RASEF: variants seen among roughly 807,000 people sequenced by gnomAD.
RASEF encodes the protein ras and EF-hand domain-containing protein.
Under a neutral mutation model 90.1 loss-of-function variants are expected in RASEF, and 68 were observed. The observed-to-expected ratio is 0.75, with a 90% CI of 0.62 to 0.92. The LOEUF is 0.92. RASEF is among the 40% of genes least tolerant of loss of function. The pLI is 0.00. For synonymous variants in RASEF, 331 were observed against 345.2 expected (o/e 0.96, Z 0.46); for missense variants, 949 against 937.2 (o/e 1.01, Z -0.16).
chr9:83,035,457 G>C lies in RASEF; in HGVS notation c.432-9536C>G, dbSNP rs1026836626. Among the ~76,000 whole-genome samples the C allele has an allele frequency of 2.0e-5, 3 of 152,254 alleles. No homozygotes were observed. In the East Asian group the frequency reaches 5.8e-4, roughly 29 times the overall value. On this transcript the variant is annotated intron_variant, in intron 1 of 16. Transcript: ENST00000376447. ...TCACCCTTCCACACTCAGATGAACAGGCTTTTATTCACATCGTGCCCCAGG... is the reference window on the plus strand; with the variant it reads ...TCACCCTTCCACACTCAGATGAACACGCTTTTATTCACATCGTGCCCCAGG...
the RASEF span, among the ~76,000 whole-genome samples, chr9:83,213,088 C>A: frequency 8.5e-6 from 1 of 117,188 alleles, no homozygotes; most frequent in Non-Finnish European, 1.8e-5. Flanking sequence ...ACAATGCACA[C>A]GTTTTAAAAA....
the RASEF span, among the ~76,000 whole-genome samples, chr9:83,180,188 T>C: frequency 6.6e-6 from 1 of 152,160 alleles, no homozygotes; most frequent in Non-Finnish European, 1.5e-5. Context: ...TAGGAGTCCA[T>C]AACTGAGAGG....
chr9:83,214,213 A>G, the RASEF span, among the ~76,000 whole-genome samples: 3 of 152,130 alleles, frequency 2.0e-5, no homozygotes, highest in Non-Finnish European at 4.4e-5. Flanking sequence ...GGGAAACCCC[A>G]TCTCTACTAA....
chr9:83,063,032 G>T lies in RASEF; in HGVS notation c.-165C>A. ...GTCGGGCGGGGCGAGGAACGTCGGG[G>T]GTGGCCGAGCGGCTCCCTTCGACGA... On this transcript the variant is annotated 5_prime_UTR_variant, in exon 1 of 17. Coordinates refer to ENST00000376447, the MANE Select transcript of RASEF (RefSeq NM_152573.4). 1 of 729,722 alleles carries T rather than the reference G, an allele frequency of 1.4e-6. No homozygotes were observed. The highest frequency in any genetic ancestry group is 4.2e-5 in the Admixed American group (1 of 23,546). 45.2% of individuals were successfully genotyped at this position (729,722 alleles called of 1,614,324 possible).
chr9:83,106,876 C>G, the RASEF span, among the ~76,000 whole-genome samples: 1 of 152,164 alleles, frequency 6.6e-6, no homozygotes, highest in South Asian at 2.1e-4. Flanking sequence ...AATTCCAGAT[C>G]CACAATTTCA....
chr9:83,153,782 C>T, the RASEF span, among the ~76,000 whole-genome samples: 8 of 152,208 alleles, frequency 5.3e-5, no homozygotes, highest in East Asian at 1.9e-4. Flanking sequence ...CCACAAGCTT[C>T]GCCTAGCCAT....
chr9:83,013,423 G>A (rs1463858498), intron 4 of RASEF, among the ~76,000 whole-genome samples: 1 of 152,140 alleles, frequency 6.6e-6, no homozygotes, highest in Non-Finnish European at 1.5e-5. Context: ...TGACTGCCAC[G>A]AGGCTGACTC....
At chr9:83,204,995 A>G in the RASEF span, among the ~76,000 whole-genome samples, 1 of 152,224 alleles carries the variant, frequency 6.6e-6, no homozygotes, top group Admixed American at 6.5e-5. Context: ...CTAAATCTCA[A>G]AGAGATTAAG....
intron 16 of RASEF, among the ~76,000 whole-genome samples, chr9:82,988,735 ACGCT>A (rs1032875580): frequency 7.2e-5 from 11 of 152,028 alleles, no homozygotes; most frequent in Admixed American, 1.3e-4. Context: ...CCAGGAGTAA[ACGCT>A]CCCTGAGATC....
the RASEF span, among the ~76,000 whole-genome samples, chr9:83,124,672 A>C: frequency 6.6e-6 from 1 of 152,330 alleles, no homozygotes; most frequent in Non-Finnish European, 1.5e-5. Flanking sequence ...TGAGTCAGTA[A>C]AATCCTGAAA....
chr9:82,993,046 A>AT, intron 14 of RASEF, 21 bp from the exon 15 acceptor site: 1 of 1,606,986 alleles, frequency 6.2e-7, no homozygotes, highest in Non-Finnish European at 8.5e-7. Flanking sequence ...GAAAAAAAAA[A>AT]TGGGGCACAC....
At chr9:83,097,080 C>T in the RASEF span, among the ~76,000 whole-genome samples, 6 of 152,120 alleles carry the variant, frequency 3.9e-5, no homozygotes, top group African/African-American at 1.4e-4. Flanking sequence ...GTGAATAGTG[C>T]CGCAATAAAC....
the RASEF span, among the ~76,000 whole-genome samples, chr9:83,142,896 T>TG: frequency 9.7e-6 from 1 of 102,574 alleles, no homozygotes; most frequent in Non-Finnish European, 2.0e-5. Context: ...ACAAAAATTA[T>TG]AAAACAGAAC....
At chr9:82,988,528 C>T (rs1158500967) in intron 16 of RASEF, among the ~76,000 whole-genome samples, 2 of 152,060 alleles carry the variant, frequency 1.3e-5, no homozygotes, top group Non-Finnish European at 2.9e-5. Context: ...ATCTGACCTT[C>T]GGTGTTAGAG....
chr9:83,092,520 G>C, the RASEF span, among the ~76,000 whole-genome samples: 4 of 151,764 alleles, frequency 2.6e-5, no homozygotes, highest in African/African-American at 4.8e-5. Context: ...CGTTCCTCCC[G>C]GTGGGCTTGT....
chr9:83,074,531 C>T, the RASEF span, among the ~76,000 whole-genome samples: 1 of 152,104 alleles, frequency 6.6e-6, no homozygotes, highest in Non-Finnish European at 1.5e-5. Context: ...TTGTAGGGCC[C>T]ATTCACTGAA....
At chr9:83,090,379 T>C in the RASEF span, among the ~76,000 whole-genome samples, 1 of 152,108 alleles carries the variant, frequency 6.6e-6, no homozygotes, top group African/African-American at 2.4e-5. Context: ...ATTGACTGCT[T>C]TCTTTCCCCT....
chr9:83,037,481 T>A (rs543157125), intron 1 of RASEF, among the ~76,000 whole-genome samples: 1 of 152,284 alleles, frequency 6.6e-6, no homozygotes, highest in East Asian at 1.9e-4. Flanking sequence ...AGCATTGTAG[T>A]AAAAATTATA....
Position 82,979,871 on chromosome 9 carries a change from C to T in RASEF, c.*2806G>A, listed in dbSNP as rs886563095. The T allele has an allele frequency of 2.6e-5, 4 of 152,144 alleles. No homozygotes were observed. Among genetic ancestry groups the T allele is most frequent in the African/African-American group, 9.7e-5 (4 of 41,434 alleles). 9.4% of individuals were successfully genotyped at this position (152,144 alleles called of 1,614,324 possible). On this transcript the variant is annotated 3_prime_UTR_variant, in exon 17 of 17. Coordinates refer to ENST00000376447, the MANE Select transcript of RASEF (RefSeq NM_152573.4). ...CACAAAAACCATCACTGAAGCCGAT[C>T]ACTGTACAAATATGAAAATAAATCT...
Sources: allele counts gnomAD v4.1 joint callset (sites outside exome capture counted in the v4.1 genomes callset), GRCh38; gene constraint gnomAD v4.1.1; transcripts MANE v1.5; gene names NCBI Gene and HGNC (gene_info 2026-07-23, HGNC 2026-07-21).